Variants in ZNF804B observed in about 807,000 individuals in gnomAD.
The protein encoded by ZNF804B is zinc finger protein 804B.
A neutral mutation model predicts 101.4 loss-of-function variants in ZNF804B; 80 were observed. The ratio of observed to expected loss-of-function variants is 0.79; its 90% CI spans 0.66 to 0.95. The LOEUF (loss-of-function observed/expected upper bound fraction) is 0.95, where lower values mean the gene tolerates loss of function less well. Among genes scored for constraint, ZNF804B ranks in the 40% least tolerant of loss-of-function variants. The pLI is 0.00. For missense variants in ZNF804B, 1,673 were observed against 1,561.9 expected, an observed-to-expected ratio of 1.07 and a Z score of -1.20; for synonymous variants, 622 against 558.8, an observed-to-expected ratio of 1.11 and a Z score of -1.59.
chr7:89,325,792 T>TA (rs1392988941), intron 2 of ZNF804B, among the ~76,000 whole-genome samples: 5 of 151,930 alleles, frequency 3.3e-5, no homozygotes, highest in Admixed American at 2.0e-4. Flanking sequence ...AACAGAGTAT[T>TA]AAAAAAACCC....
chr7:89,117,355 T>C (rs1308612620), intron 1 of ZNF804B, among the ~76,000 whole-genome samples: 2 of 152,198 alleles, frequency 1.3e-5, no homozygotes, highest in Non-Finnish European at 2.9e-5. Flanking sequence ...AGCAACTGGG[T>C]TAAGTTAAGC....
intron 1 of ZNF804B, among the ~76,000 whole-genome samples, chr7:88,826,268 C>G (rs2115771551): frequency 6.6e-6 from 1 of 152,216 alleles, no homozygotes; most frequent in South Asian, 2.1e-4. Flanking sequence ...CATTTCAAAA[C>G]CTTTTAACTC....
chr7:88,831,720 A>AT (rs1419333021), intron 1 of ZNF804B, among the ~76,000 whole-genome samples: 1 of 151,906 alleles, frequency 6.6e-6, no homozygotes, highest in Admixed American at 6.6e-5. Flanking sequence ...AGGAATTCAA[A>AT]TTTTTTATAA....
intron 1 of ZNF804B, among the ~76,000 whole-genome samples, chr7:89,154,173 C>CTACA (rs1790919918): frequency 6.6e-6 from 1 of 152,084 alleles, no homozygotes; most frequent in Non-Finnish European, 1.5e-5. Flanking sequence ...CAAGTTAAAA[C>CTACA]TACAGTGAGA....
intron 1 of ZNF804B, among the ~76,000 whole-genome samples, chr7:88,856,185 A>G (rs1436713803): frequency 1.3e-5 from 2 of 152,126 alleles, no homozygotes; most frequent in African/African-American, 2.4e-5. Flanking sequence ...GAATCTGTAA[A>G]TTACCTTGGG....
chr7:88,944,247 C>T (rs899335168), intron 1 of ZNF804B, among the ~76,000 whole-genome samples: 7 of 151,650 alleles, frequency 4.6e-5, no homozygotes, highest in African/African-American at 7.3e-5. Flanking sequence ...TATTCCATAT[C>T]GTTGTTAGGA....
intron 1 of ZNF804B, among the ~76,000 whole-genome samples, chr7:88,931,623 C>A (rs1036935740): frequency 6.6e-6 from 1 of 151,816 alleles, no homozygotes; most frequent in Non-Finnish European, 1.5e-5. Context: ...GCTCTGACTT[C>A]AGTTTTATAT....
intron 1 of ZNF804B, among the ~76,000 whole-genome samples, chr7:88,837,874 A>G (rs1791237943): frequency 6.6e-6 from 1 of 151,790 alleles, no homozygotes; most frequent in South Asian, 2.1e-4. Flanking sequence ...AAATACCACC[A>G]CTAATCTCCC....
In ZNF804B at chr7:89,219,350, T is replaced by C. The variant is rs998441744; in HGVS notation, c.249+1055T>C. On this transcript the variant is annotated intron_variant, in intron 2 of 3. Transcript: ENST00000333190. ...ATTACATTTTCCTAAGCATACTCTC[T>C]TAAGAAAGTCAAAGTTGTTATTTAA... Among the ~76,000 whole-genome samples, 11 of 149,726 alleles carry C rather than the reference T, an allele frequency of 7.3e-5. No individual in the cohort carries two copies. In the East Asian group the frequency reaches 2.1e-3, roughly 29 times the overall value.
intron 1 of ZNF804B, among the ~76,000 whole-genome samples, chr7:88,986,651 C>T (rs367665400): frequency 5.3e-5 from 8 of 152,158 alleles, no homozygotes; most frequent in African/African-American, 1.4e-4. Context: ...TTTGGCGTGG[C>T]GCCTAGTTTA....
At chr7:89,310,289 A>G (rs1584118156) in intron 2 of ZNF804B, among the ~76,000 whole-genome samples, 2 of 152,236 alleles carry the variant, frequency 1.3e-5, no homozygotes, top group East Asian at 3.9e-4. Context: ...GTGATTGAAT[A>G]TAGATTCTTG....
intron 1 of ZNF804B, among the ~76,000 whole-genome samples, chr7:88,916,927 G>A (rs192102251): frequency 5.3e-4 from 80 of 152,100 alleles, no homozygotes; most frequent in East Asian, 3.7e-3. Context: ...AAATATGCAG[G>A]TCTAGAAGCT....
At chr7:89,196,758 G>T (rs187235236) in intron 1 of ZNF804B, among the ~76,000 whole-genome samples, 163 of 151,822 alleles carry the variant, frequency 1.1e-3, no homozygotes, top group African/African-American at 3.6e-3. Flanking sequence ...CATCTACAAG[G>T]AACTTAAACA....
At chr7:89,147,766 C>T (rs1351126889) in intron 1 of ZNF804B, among the ~76,000 whole-genome samples, 1 of 151,754 alleles carries the variant, frequency 6.6e-6, no homozygotes, top group Non-Finnish European at 1.5e-5. Context: ...GTGAACTGTG[C>T]ATGCGAGGAA....
chr7:88,811,743 G>A (rs1198270744), intron 1 of ZNF804B, among the ~76,000 whole-genome samples: 1 of 152,162 alleles, frequency 6.6e-6, no homozygotes. Context: ...AATGCCGTAT[G>A]CTCTCATTCA....
chr7:88,907,470 GCTA>G (rs1428178554), intron 1 of ZNF804B, among the ~76,000 whole-genome samples: 1 of 151,986 alleles, frequency 6.6e-6, no homozygotes, highest in African/African-American at 2.4e-5. Context: ...TGCTTCTACT[GCTA>G]CTAAGGAGAA....
At chr7:89,149,255 G>T (rs925285674) in intron 1 of ZNF804B, among the ~76,000 whole-genome samples, 1 of 152,014 alleles carries the variant, frequency 6.6e-6, no homozygotes, top group Non-Finnish European at 1.5e-5. Flanking sequence ...AAGCACAAAA[G>T]AACAGAATTT....
intron 1 of ZNF804B, among the ~76,000 whole-genome samples, chr7:88,790,760 G>A (rs1489506994): frequency 6.6e-6 from 1 of 151,958 alleles, no homozygotes; most frequent in African/African-American, 2.4e-5. Flanking sequence ...ACATACGCGT[G>A]CATGTATCTG....
chr7:89,002,922 C>T (rs2116176008), intron 1 of ZNF804B, among the ~76,000 whole-genome samples: 1 of 152,008 alleles, frequency 6.6e-6, no homozygotes, highest in East Asian at 1.9e-4. Flanking sequence ...GAAGTAAACT[C>T]AATTCTTGAA....
Sources: allele counts gnomAD v4.1 joint callset (sites outside exome capture counted in the v4.1 genomes callset), GRCh38; gene constraint gnomAD v4.1.1; transcripts MANE v1.5; gene names NCBI Gene and HGNC (gene_info 2026-07-23, HGNC 2026-07-21).